Variants in CLVS1 observed in about 807,000 individuals in gnomAD.
The protein encoded by CLVS1 is clavesin 1.
Under a neutral mutation model 33.1 loss-of-function variants are expected in CLVS1, and 10 were observed. The ratio of observed to expected loss-of-function variants is 0.30; its 90% CI spans 0.19 to 0.51. The LOEUF (loss-of-function observed/expected upper bound fraction) is 0.51. Among genes scored for constraint, CLVS1 ranks in the 20% least tolerant of loss-of-function variants. The pLI is 0.97. For missense variants in CLVS1, 343 were observed against 433.4 expected, an observed-to-expected ratio of 0.79 and a Z score of 1.85; for synonymous variants, 163 against 166.1, an observed-to-expected ratio of 0.98 and a Z score of 0.14.
intron 1 of CLVS1, among the ~76,000 whole-genome samples, chr8:61,119,564 C>T (rs1418621276): frequency 6.7e-6 from 1 of 149,044 alleles, no homozygotes; most frequent in Non-Finnish European, 1.5e-5. Flanking sequence ...TTAGGGCAGG[C>T]CTGGTGGTGA....
chr8:61,111,568 T>C (rs983035005), intron 1 of CLVS1, among the ~76,000 whole-genome samples: 3 of 152,212 alleles, frequency 2.0e-5, no homozygotes, highest in Non-Finnish European at 2.9e-5. Flanking sequence ...AGTAGTTCCA[T>C]CTATATTTAT....
chr8:61,094,519 A>G (rs2129285231), intron 1 of CLVS1, among the ~76,000 whole-genome samples: 1 of 152,290 alleles, frequency 6.6e-6, no homozygotes, highest in South Asian at 2.1e-4. Flanking sequence ...GAGGTTGGGT[A>G]ACTGTTATGT....
intron 2 of CLVS1, among the ~76,000 whole-genome samples, chr8:61,214,261 G>A (rs1309337320): frequency 1.3e-5 from 2 of 152,090 alleles, no homozygotes; most frequent in African/African-American, 4.8e-5. Flanking sequence ...TAAAGTACTT[G>A]ATGTCTGTGA....
intron 2 of CLVS1, among the ~76,000 whole-genome samples, chr8:61,268,394 A>T (rs1809357984): frequency 1.3e-5 from 2 of 150,714 alleles, no homozygotes; most frequent in Admixed American, 1.3e-4. Flanking sequence ...TATGTGCCAC[A>T]TTTTCTTAAT....
intron 1 of CLVS1, among the ~76,000 whole-genome samples, chr8:61,116,418 T>C (rs977888966): frequency 1.3e-5 from 2 of 152,246 alleles, no homozygotes; most frequent in African/African-American, 2.4e-5. Context: ...CCATTGCTTT[T>C]GGCGTTTTAG....
intron 2 of CLVS1, among the ~76,000 whole-genome samples, chr8:61,281,199 T>G (rs1046775192): frequency 6.6e-6 from 1 of 152,196 alleles, no homozygotes; most frequent in African/African-American, 2.4e-5. Flanking sequence ...CTTCATCAGT[T>G]GTTAAGCTGT....
intron 2 of CLVS1, among the ~76,000 whole-genome samples, chr8:61,364,775 G>C (rs574492605): frequency 1.3e-5 from 2 of 152,206 alleles, no homozygotes; most frequent in Non-Finnish European, 2.9e-5. Context: ...TGTTATCCTT[G>C]TAGAATGTAT....
intron 1 of CLVS1, among the ~76,000 whole-genome samples, chr8:61,081,533 T>C (rs1439494130): frequency 2.0e-5 from 3 of 152,162 alleles, no homozygotes; most frequent in Non-Finnish European, 4.4e-5. Flanking sequence ...GGGACCCTTA[T>C]GAGAACCTGG....
the CLVS1 span, among the ~76,000 whole-genome samples, chr8:61,034,791 T>C: frequency 2.3e-4 from 35 of 152,250 alleles, 1 homozygote; most frequent in East Asian, 6.4e-3. Context: ...GCCAATACAG[T>C]GTTTACAAGA....
intron 1 of CLVS1, among the ~76,000 whole-genome samples, chr8:61,293,314 A>G (rs1239321183): frequency 3.9e-5 from 6 of 152,180 alleles, no homozygotes; most frequent in Admixed American, 3.9e-4. Flanking sequence ...AAAGAAAGTC[A>G]ATGAATTCAG....
chr8:61,415,288 TGG>T (rs1437892669), intron 3 of CLVS1, among the ~76,000 whole-genome samples: 1 of 152,226 alleles, frequency 6.6e-6, no homozygotes, highest in African/African-American at 2.4e-5. Flanking sequence ...GTGGCCCAGG[TGG>T]CCACCCAGCA....
chr8:61,140,732 T>A (rs913642749), intron 2 of CLVS1, among the ~76,000 whole-genome samples: 14 of 151,956 alleles, frequency 9.2e-5, no homozygotes, highest in Admixed American at 2.0e-4. Context: ...CGGCTAAATT[T>A]TTTTTTTGTA....
At chr8:61,165,981 T>C (rs1806854220) in intron 2 of CLVS1, among the ~76,000 whole-genome samples, 1 of 146,918 alleles carries the variant, frequency 6.8e-6, no homozygotes, top group Non-Finnish European at 1.5e-5. Context: ...TCCCAAAATA[T>C]AGCAAGGCAA....
chr8:61,439,551 A>G (rs1816466507), intron 3 of CLVS1, among the ~76,000 whole-genome samples: 1 of 152,210 alleles, frequency 6.6e-6, no homozygotes, highest in Non-Finnish European at 1.5e-5. Flanking sequence ...CAGGATTGCC[A>G]AAACAAGGAA....
intron 3 of CLVS1, among the ~76,000 whole-genome samples, chr8:61,385,759 G>A (rs950217754): frequency 1.3e-5 from 2 of 152,124 alleles, no homozygotes; most frequent in South Asian, 4.1e-4. Context: ...AAAGTTTCAG[G>A]TATACGTGAC....
intron 2 of CLVS1, among the ~76,000 whole-genome samples, chr8:61,340,057 GAAAA>G (rs1308598953): frequency 2.8e-5 from 4 of 141,776 alleles, no homozygotes; most frequent in South Asian, 2.3e-4. Flanking sequence ...AAAGAAAAAA[GAAAA>G]AGAAAGAAAG....
intron 2 of CLVS1, among the ~76,000 whole-genome samples, chr8:61,160,070 C>G (rs6471930): frequency 0.76 from 116,303 of 152,118 alleles, 45,580 homozygotes; most frequent in Middle Eastern, 0.92. Context: ...CTGAGGGGTG[C>G]TGCATTTCCA....
At chr8:61,423,704 G>A (rs1307735861) in intron 3 of CLVS1, among the ~76,000 whole-genome samples, 1 of 152,076 alleles carries the variant, frequency 6.6e-6, no homozygotes, top group Non-Finnish European at 1.5e-5. Context: ...TCTACAAAAT[G>A]GGCATATGGG....
chr8:61,118,945 T>A (rs988735854), intron 1 of CLVS1, among the ~76,000 whole-genome samples: 1 of 152,136 alleles, frequency 6.6e-6, no homozygotes, highest in African/African-American at 2.4e-5. Context: ...TTCTGTCTCG[T>A]TGATCTGTCT....
Sources: gnomAD v4.1 joint callset for allele counts (sites outside exome capture counted in the v4.1 genomes callset) on GRCh38, gnomAD v4.1.1 for gene constraint, MANE v1.5 for transcripts, NCBI Gene and HGNC (gene_info 2026-07-23, HGNC 2026-07-21) for gene names.